The following FSTL4 variants were observed in gnomAD, a reference collection of about 807,000 sequenced individuals.
FSTL4 encodes follistatin like 4, also known as follistatin-related protein 4.
Under a neutral mutation model 78.2 loss-of-function variants are expected in FSTL4, and 28 were observed. The ratio of observed to expected loss-of-function variants is 0.36; its 90% CI spans 0.27 to 0.49. The LOEUF is 0.49. FSTL4 is among the 20% of genes least tolerant of loss of function. FSTL4 has a pLI of 0.98. For synonymous variants in FSTL4, 422 were observed against 440.5 expected (o/e 0.96, Z 0.53); for missense variants, 922 against 1,084.9 (o/e 0.85, Z 2.11).
At chr5:133,647,851 T>A in the FSTL4 span, among the ~76,000 whole-genome samples, 1 of 152,176 alleles carries the variant, frequency 6.6e-6, no homozygotes, top group African/African-American at 2.4e-5. Flanking sequence ...TTTGGCTGTG[T>A]CCCCATCCAA....
intron 2 of FSTL4, among the ~76,000 whole-genome samples, chr5:133,601,122 C>T (rs981928707): frequency 2.0e-5 from 3 of 152,206 alleles, no homozygotes; most frequent in Non-Finnish European, 2.9e-5. Flanking sequence ...AAACCATCCA[C>T]GTCCCCACTG....
intron 14 of FSTL4, chr5:133,208,343 G>A (rs546174349): frequency 1.3e-5 from 2 of 152,302 alleles, no homozygotes; most frequent in East Asian, 3.9e-4. Context: ...CCTATTGCAG[G>A]TGAGAAGTCC....
intron 4 of FSTL4, among the ~76,000 whole-genome samples, chr5:133,381,635 C>G (rs1755574042): frequency 6.6e-6 from 1 of 152,222 alleles, no homozygotes; most frequent in Non-Finnish European, 1.5e-5. Context: ...CTCTTGTCTT[C>G]ACGATCATTC....
intron 3 of FSTL4, among the ~76,000 whole-genome samples, chr5:133,563,038 C>T (rs1464234875): frequency 6.6e-6 from 1 of 152,086 alleles, no homozygotes. Context: ...ATAAAAATAC[C>T]TGCACTGGAA....
At chr5:133,682,217 A>G in the FSTL4 span, among the ~76,000 whole-genome samples, 1 of 152,196 alleles carries the variant, frequency 6.6e-6, no homozygotes. Context: ...GAGTGGAACT[A>G]AGGGGCTCTC....
At chr5:133,604,083 G>C in intron 1 of FSTL4, 90 bp from the exon 2 acceptor site, 1 of 935,508 alleles carries the variant, frequency 1.1e-6, no homozygotes, top group Non-Finnish European at 1.7e-6. Flanking sequence ...CCCAGAATCA[G>C]ATAAGCCTGG....
chr5:133,295,465 G>T (rs1294277584), intron 6 of FSTL4, among the ~76,000 whole-genome samples: 2 of 152,128 alleles, frequency 1.3e-5, no homozygotes, highest in Non-Finnish European at 2.9e-5. Flanking sequence ...GTTTGCAAAA[G>T]CCTTCTTGGC....
intron 6 of FSTL4, among the ~76,000 whole-genome samples, chr5:133,284,638 C>G (rs370671220): frequency 6.6e-6 from 1 of 152,202 alleles, no homozygotes; most frequent in Non-Finnish European, 1.5e-5. Flanking sequence ...CTTGGACACT[C>G]GCTCTTTTTC....
chr5:133,525,229 T>G (rs910457924), intron 3 of FSTL4, among the ~76,000 whole-genome samples: 1 of 152,142 alleles, frequency 6.6e-6, no homozygotes, highest in Admixed American at 6.5e-5. Context: ...TCACGCACAT[T>G]CCACCCCAAA....
At chr5:133,229,586 C>G (rs4958106) in intron 8 of FSTL4, among the ~76,000 whole-genome samples, 78,247 of 151,804 alleles carry the variant, frequency 0.52, 20,532 homozygotes, top group East Asian at 0.73. Context: ...GAAAAAATAT[C>G]CAAGAACAGC....
chr5:133,735,574 T>G, the FSTL4 span, among the ~76,000 whole-genome samples: 1 of 152,224 alleles, frequency 6.6e-6, no homozygotes, highest in Non-Finnish European at 1.5e-5. Context: ...CTTTGCCATT[T>G]TTAATCGCTG....
At chr5:133,337,286 C>T (rs975833701) in intron 4 of FSTL4, among the ~76,000 whole-genome samples, 2 of 152,224 alleles carry the variant, frequency 1.3e-5, no homozygotes, top group Non-Finnish European at 2.9e-5. Context: ...GACCCAAATG[C>T]AAGGCCAAAG....
rs1224089212 is a variant in FSTL4 at position 133,371,578 on chromosome 5, G to T, written c.409+29160C>A. On this transcript the variant is annotated intron_variant, in intron 4 of 15. Transcript: ENST00000265342. Reference sequence around the variant, plus strand: ...CAACACAAGAGCTCCCAGGGGAAAAGCCTCCATTTGAAGTGCCTGTAAAGT... The same window carrying T: ...CAACACAAGAGCTCCCAGGGGAAAATCCTCCATTTGAAGTGCCTGTAAAGT... 2.6e-5 allele frequency among the ~76,000 whole-genome samples: 4 copies of T among 152,198 alleles called. No individual in the cohort carries two copies. In the South Asian group the frequency reaches 8.3e-4, roughly 31 times the overall value.
chr5:133,368,494 T>C (rs966829635), intron 4 of FSTL4, among the ~76,000 whole-genome samples: 6 of 152,242 alleles, frequency 3.9e-5, no homozygotes, highest in Admixed American at 3.3e-4. Context: ...ACCATGAGCA[T>C]AAAGGTTTTT....
chr5:133,832,810 T>C, the FSTL4 span, among the ~76,000 whole-genome samples: 1 of 152,252 alleles, frequency 6.6e-6, no homozygotes, highest in African/African-American at 2.4e-5. Flanking sequence ...TGTGGTCATA[T>C]GGCCACTGTC....
intron 3 of FSTL4, among the ~76,000 whole-genome samples, chr5:133,409,995 C>T (rs1361551965): frequency 6.6e-6 from 1 of 152,158 alleles, no homozygotes; most frequent in Non-Finnish European, 1.5e-5. Flanking sequence ...TGAGGATGTA[C>T]ATCAGAGCCT....
At chr5:133,760,481 A>T in the FSTL4 span, among the ~76,000 whole-genome samples, 1 of 152,178 alleles carries the variant, frequency 6.6e-6, no homozygotes, top group South Asian at 2.1e-4. Context: ...CTATAGATGC[A>T]CCATATTTGG....
At chr5:133,838,140 A>G in the FSTL4 span, among the ~76,000 whole-genome samples, 2 of 152,136 alleles carry the variant, frequency 1.3e-5, no homozygotes, top group African/African-American at 4.8e-5. Context: ...CACCCCACTC[A>G]GCCTCCCAAA....
the FSTL4 span, among the ~76,000 whole-genome samples, chr5:133,770,475 T>C: frequency 4.9e-3 from 741 of 152,274 alleles, 6 homozygotes; most frequent in East Asian, 9.1e-3. Context: ...CTCTGATGAT[T>C]AGTGATGTTG....
Sources: allele counts gnomAD v4.1 joint callset (sites outside exome capture counted in the v4.1 genomes callset), GRCh38; gene constraint gnomAD v4.1.1; transcripts MANE v1.5; gene names NCBI Gene and HGNC (gene_info 2026-07-23, HGNC 2026-07-21).